The following FBLN2 variants were observed in gnomAD, a reference collection of about 807,000 sequenced individuals.
FBLN2 encodes the protein fibulin 2.
Under a neutral mutation model 123.7 loss-of-function variants are expected in FBLN2, and 81 were observed. The ratio of observed to expected loss-of-function variants is 0.65; its 90% confidence interval spans 0.55 to 0.79. The LOEUF is 0.79. FBLN2 is among the 30% of genes least tolerant of loss of function. The probability of loss-of-function intolerance (pLI) is 0.00; values close to 1 mark genes in which losing one functional copy is unlikely to be tolerated. For missense variants in FBLN2, 1,603 were observed against 1,681.3 expected (o/e 0.95, Z 0.81); for synonymous variants, 699 against 701.4 (o/e 1.00, Z 0.05).
intron 4 of FBLN2, among the ~76,000 whole-genome samples, chr3:13,610,988 A>C (rs1175224903): frequency 6.7e-6 from 1 of 150,312 alleles, no homozygotes; most frequent in Non-Finnish European, 1.5e-5. Context: ...TCTCACTGCA[A>C]CTCCACCTCC....
intron 4 of FBLN2, 50 bp downstream of exon 4, chr3:13,609,692 G>GA: frequency 8.9e-5 from 45 of 508,370 alleles, no homozygotes; most frequent in Non-Finnish European, 1.5e-4. Flanking sequence ...GGCGGGGCGG[G>GA]AGGCTGGCCT....
At chr3:13,574,440 A>G (rs1704067087) in intron 2 of FBLN2, among the ~76,000 whole-genome samples, 1 of 152,156 alleles carries the variant, frequency 6.6e-6, no homozygotes, top group African/African-American at 2.4e-5. Flanking sequence ...TTGAGTGACA[A>G]CAGACGTCAG....
intron 9 of FBLN2, among the ~76,000 whole-genome samples, chr3:13,625,988 A>T (rs879377615): frequency 1.3e-5 from 2 of 151,516 alleles, no homozygotes; most frequent in Admixed American, 1.3e-4. Context: ...CCAGTCTGTC[A>T]TCTTGTCACA....
chr3:13,630,717 C>T lies in FBLN2; in HGVS notation c.2987C>T (p.Ala996Val), dbSNP rs374893838. The T allele has an allele frequency of 1.2e-6, 2 of 1,606,808 alleles. No individual in the cohort carries two copies. ...KRCEDVNECEAQRCSQECANI... is the reference protein window; with the variant it reads ...KRCEDVNECEVQRCSQECANI... ...CCTGCAGACGTGAATGAGTGTGAGG[C>T]CCAGCGCTGCAGCCAGGAGTGTGCC... The change falls in exon 15 of 18, where the codon GCC (alanine) becomes GTC (valine). Residue 996 changes from alanine (A) to valine (V), a missense_variant. Coordinates refer to ENST00000404922, the MANE Select transcript of FBLN2 (RefSeq NM_001004019.2).
intron 1 of FBLN2, among the ~76,000 whole-genome samples, chr3:13,563,852 C>G (rs1703673092): frequency 6.6e-6 from 1 of 152,150 alleles, no homozygotes; most frequent in African/African-American, 2.4e-5. Flanking sequence ...CTGGAGGCGA[C>G]CCTGGGGCGG....
chr3:13,571,736 G>A (rs551812119), intron 2 of FBLN2, 75 bp downstream of exon 2: 1 of 1,448,622 alleles, frequency 6.9e-7, no homozygotes, highest in Admixed American at 2.7e-5. Context: ...GCTGCCCCAG[G>A]TCTCTGCCTG....
intron 2 of FBLN2, among the ~76,000 whole-genome samples, chr3:13,573,447 C>T (rs1044297128): frequency 1.3e-5 from 2 of 152,116 alleles, no homozygotes; most frequent in Non-Finnish European, 2.9e-5. Context: ...CTCCTCAGCT[C>T]GTATCACTGC....
chr3:13,637,447 C>T, intron 17 of FBLN2, 115 bp from the exon 18 acceptor site: 2 of 951,318 alleles, frequency 2.1e-6, no homozygotes. Context: ...GGCTTCCCGG[C>T]CATTAGGGAG....
At chr3:13,628,140 C>CACCA (rs1706114702) in intron 11 of FBLN2, among the ~76,000 whole-genome samples, 171 bp downstream of exon 11, 1 of 152,216 alleles carries the variant, frequency 6.6e-6, no homozygotes, top group African/African-American at 2.4e-5. Flanking sequence ...ACCCTGGGGG[C>CACCA]ACCACTGTCC....
intron 2 of FBLN2, among the ~76,000 whole-genome samples, chr3:13,603,446 G>A (rs1421079838): frequency 2.2e-5 from 3 of 137,686 alleles, no homozygotes; most frequent in African/African-American, 8.2e-5. Context: ...GTCCAAGTGT[G>A]CTCATTGTTC....
At chr3:13,604,888 G>C (rs1705153389) in intron 2 of FBLN2, among the ~76,000 whole-genome samples, 1 of 152,248 alleles carries the variant, frequency 6.6e-6, no homozygotes, top group Non-Finnish European at 1.5e-5. Flanking sequence ...CCCTCAGTGA[G>C]CTCTTGCTCC....
In FBLN2 at chr3:13,571,674, C is replaced by G. The variant is rs766844668; in HGVS notation, c.1306+13C>G. 21 of 1,555,838 alleles carry G rather than the reference C, an allele frequency of 1.3e-5. No homozygotes were observed. Among genetic ancestry groups the G allele is most frequent in the Middle Eastern group, 3.4e-4 (2 of 5,816 alleles). ...AGTAGCCCTGAAGGTAAGACCCTGT[C>G]CTGGTTCCTTCAGGGCACTTTGTGT... On this transcript the variant is annotated intron_variant, in intron 2 of 17. Transcript: ENST00000404922.
chr3:13,551,854 T>TC (rs1353930829), intron 1 of FBLN2, among the ~76,000 whole-genome samples: 2 of 150,622 alleles, frequency 1.3e-5, no homozygotes, highest in Non-Finnish European at 3.0e-5. Flanking sequence ...CTTTTTTTTT[T>TC]TTTTTTTAAA....
At chr3:13,609,384 C>T (rs1705313169) in intron 3 of FBLN2, 129 bp from the exon 4 acceptor site, 1 of 1,067,884 alleles carries the variant, frequency 9.4e-7, no homozygotes, top group Non-Finnish European at 1.3e-6. Flanking sequence ...GTTGTGCCGG[C>T]TCTGCCACCT....
At chr3:13,589,567 G>A (rs1188285547) in intron 2 of FBLN2, among the ~76,000 whole-genome samples, 1 of 152,168 alleles carries the variant, frequency 6.6e-6, no homozygotes, top group African/African-American at 2.4e-5. Flanking sequence ...AAGGGCCTCA[G>A]CCTCATCATT....
chr3:13,571,777 C>T (rs1424927967), intron 2 of FBLN2, 116 bp downstream of exon 2: 1 of 1,234,690 alleles, frequency 8.1e-7, no homozygotes, highest in Non-Finnish European at 1.1e-6. Flanking sequence ...TGGGGCCAGG[C>T]CTAGGGTGGC....
In FBLN2 at chr3:13,555,141, G is replaced by A. The variant is rs563746212; in HGVS notation, c.-42+5933G>A. On this transcript the variant is annotated intron_variant, in intron 1 of 17. Transcript: ENST00000404922. The stretch of plus-strand genomic sequence containing the variant: ...TTAATTTTGTATTTTTAGTAGAGAT[G>A]GGGTTTCACCATGTTGGCCAGGCTG... 2.6e-5 allele frequency among the ~76,000 whole-genome samples: 4 copies of A among 151,776 alleles called. No individual in the cohort carries two copies. The East Asian group carries it at 5.9e-4, about 22-fold the overall frequency.
At chr3:13,613,324 T>C (rs1278873450) in intron 4 of FBLN2, among the ~76,000 whole-genome samples, 1 of 152,210 alleles carries the variant, frequency 6.6e-6, no homozygotes, top group Non-Finnish European at 1.5e-5. Context: ...ACAGAAAAGA[T>C]TGAATAATTG....
intron 2 of FBLN2, among the ~76,000 whole-genome samples, chr3:13,598,927 G>A (rs1704935271): frequency 6.6e-6 from 1 of 152,212 alleles, no homozygotes. Flanking sequence ...GGCTCATGAG[G>A]GATGGGTAGT....
Sources: allele counts gnomAD v4.1 joint callset (sites outside exome capture counted in the v4.1 genomes callset), GRCh38; gene constraint gnomAD v4.1.1; transcripts MANE v1.5; gene names NCBI Gene and HGNC (gene_info 2026-07-23, HGNC 2026-07-21).